Variants in FBN2 observed in about 807,000 individuals in gnomAD.
The protein encoded by FBN2 is fibrillin-2.
In FBN2, 105 loss-of-function variants were observed where a neutral mutation model predicts 355.6. The ratio of observed to expected loss-of-function variants is 0.30; its 90% CI spans 0.25 to 0.35. FBN2 has a LOEUF of 0.35. FBN2 is among the 10% of genes least tolerant of loss of function. The pLI is 1.00. For missense variants in FBN2, 3,280 were observed against 3,758.7 expected, an observed-to-expected ratio of 0.87 and a Z score of 3.33; for synonymous variants, 1,350 against 1,301.2, an observed-to-expected ratio of 1.04 and a Z score of -0.81.
At chr5:128,298,223 C>T (rs1749586664) in intron 48 of FBN2, among the ~76,000 whole-genome samples, 1 of 152,032 alleles carries the variant, frequency 6.6e-6, no homozygotes, top group Admixed American at 6.5e-5. Context: ...GTCTGATGGG[C>T]TTCCCTTTGA....
At chr5:128,527,005 A>T (rs1483176170) in intron 4 of FBN2, among the ~76,000 whole-genome samples, 1 of 152,196 alleles carries the variant, frequency 6.6e-6, no homozygotes, top group Non-Finnish European at 1.5e-5. Context: ...CTATGTTTAA[A>T]AAAGAGACCA....
chr5:128,408,111 CA>C (rs1752979026), intron 8 of FBN2, among the ~76,000 whole-genome samples: 1 of 152,154 alleles, frequency 6.6e-6, no homozygotes, highest in South Asian at 2.1e-4. Context: ...GATTATGCAT[CA>C]AAAGACACTT....
chr5:128,341,012 T>C (rs757806100), intron 25 of FBN2, among the ~76,000 whole-genome samples: 2 of 152,068 alleles, frequency 1.3e-5, no homozygotes, highest in Non-Finnish European at 2.9e-5. Flanking sequence ...AAGCCACAGA[T>C]TGGCTGGACT....
At chr5:128,500,071 A>G (rs895393595) in intron 5 of FBN2, among the ~76,000 whole-genome samples, 12 of 152,118 alleles carry the variant, frequency 7.9e-5, no homozygotes, top group African/African-American at 2.7e-4. Flanking sequence ...AGTATCACAA[A>G]CTATATCATC....
At position 128,536,477 on chromosome 5, in the gene FBN2, C is replaced by T. The variant is rs1220181392; in HGVS notation, c.262G>A (p.Val88Met). Residue 88 changes from valine (V) to methionine (M), a missense_variant, in exon 2 of 65, where the codon GTG becomes ATG. This residue lies in a region of FBN2 where 203 missense variants were observed against 142.2 expected (regional missense o/e 1.43). Coordinates refer to ENST00000262464, the MANE Select transcript of FBN2 (RefSeq NM_001999.4). ...TAGGAGTGGAATCTGGAGCCGCACA[C>T]GTTGGGCCTGTGATGGACAAGCGCG... is the stretch of plus-strand genomic sequence containing the variant. ...GQQDVLRGPN[V>M]CGSRFHSYCC... The T allele has an allele frequency of 6.2e-7, 1 of 1,613,738 alleles. No individual in the cohort carries two copies. Among genetic ancestry groups the T allele is most frequent in the Non-Finnish European group, 8.5e-7 (1 of 1,179,850 alleles).
intron 48 of FBN2, among the ~76,000 whole-genome samples, chr5:128,296,233 G>T (rs1366898662): frequency 2.7e-5 from 4 of 150,762 alleles, no homozygotes; most frequent in Admixed American, 6.6e-5. Flanking sequence ...GCTGGATTTG[G>T]TTTGCCAGTA....
intron 5 of FBN2, among the ~76,000 whole-genome samples, chr5:128,485,956 T>C (rs1018324892): frequency 1.1e-4 from 17 of 152,198 alleles, no homozygotes; most frequent in Admixed American, 5.9e-4. Flanking sequence ...TCTAAACAAC[T>C]GAGTGATCAC....
chr5:128,376,882 C>T (rs1321488964), intron 13 of FBN2, 29 bp from the exon 14 acceptor site: 1 of 1,611,566 alleles, frequency 6.2e-7, no homozygotes, highest in Non-Finnish European at 8.5e-7. Flanking sequence ...TGACTTTGAA[C>T]ACTGGCCTTG....
intron 7 of FBN2, among the ~76,000 whole-genome samples, chr5:128,429,886 T>G (rs1215995907): frequency 1.3e-5 from 2 of 152,182 alleles, no homozygotes; most frequent in South Asian, 2.1e-4. Context: ...ATGGTTTCAC[T>G]AAAGCTAAAT....
chr5:128,307,850 A>C (rs1216596713), intron 41 of FBN2, among the ~76,000 whole-genome samples: 1 of 152,114 alleles, frequency 6.6e-6, no homozygotes, highest in African/African-American at 2.4e-5. Context: ...ACTGCTATAC[A>C]AGTGAGTAAA....
At chr5:128,279,282 A>T (rs903437322) in intron 56 of FBN2, among the ~76,000 whole-genome samples, 1 of 152,172 alleles carries the variant, frequency 6.6e-6, no homozygotes, top group African/African-American at 2.4e-5. Context: ...AGACTGTTCA[A>T]ACACTTGGAC....
chr5:128,267,970 A>G (rs1455229437), intron 62 of FBN2, among the ~76,000 whole-genome samples: 2 of 152,342 alleles, frequency 1.3e-5, no homozygotes, highest in African/African-American at 4.8e-5. Flanking sequence ...CAGTTAAAAG[A>G]GCTAGAGAAG....
intron 6 of FBN2, among the ~76,000 whole-genome samples, chr5:128,460,238 AG>A (rs1754523231): frequency 1.3e-5 from 2 of 152,212 alleles, no homozygotes; most frequent in African/African-American, 4.8e-5. Flanking sequence ...TCAAATCGTG[AG>A]AGAACTCCCA....
In FBN2 at chr5:128,274,621, C is replaced by G. The variant is rs767807555; in HGVS notation, c.7657G>C (p.Gly2553Arg). 6.2e-7 allele frequency: 1 copy of G among 1,613,522 alleles called. No homozygotes were observed. The highest frequency in any genetic ancestry group is 2.2e-5 in the East Asian group (1 of 44,864). Residue 2553 changes from glycine (G) to arginine (R), a missense_variant, in exon 60 of 65, where the codon GGG becomes CGG. This residue lies in a region of FBN2 where 2,284 missense variants were observed against 2,749.5 expected (regional missense o/e 0.83). Transcript: ENST00000262464. ...CQFLCVNTLG[G>R]FTCKCPPGFT... ...CCAGGTGGACATTTACAGGTAAACC[C>G]CCCCAGGGTGTTGACACAGAGGAAC...
chr5:128,305,168 TATTA>T (rs1749833954), intron 44 of FBN2, 86 bp from the exon 45 acceptor site: 1 of 1,168,048 alleles, frequency 8.6e-7, no homozygotes, highest in African/African-American at 1.5e-5. Context: ...TCTAATCTGC[TATTA>T]ATTATTATAG....
intron 7 of FBN2, among the ~76,000 whole-genome samples, chr5:128,419,727 T>C (rs1462270370): frequency 1.3e-5 from 2 of 152,148 alleles, no homozygotes; most frequent in Non-Finnish European, 2.9e-5. Flanking sequence ...AGTTTTGCTC[T>C]TGTTGCCCGG....
intron 11 of FBN2, among the ~76,000 whole-genome samples, chr5:128,390,315 C>T (rs1408191790): frequency 6.6e-6 from 1 of 151,994 alleles, no homozygotes; most frequent in South Asian, 2.1e-4. Flanking sequence ...CCATTGAGAT[C>T]CTTTCAGAGT....
intron 5 of FBN2, among the ~76,000 whole-genome samples, chr5:128,479,972 CTCTCTATATATA>C (rs1415284567): frequency 3.4e-3 from 70 of 20,440 alleles, no homozygotes; most frequent in South Asian, 5.2e-3. Context: ...CTCTCTCTCT[CTCTCTATATATA>C]TATATATATA....
At chr5:128,455,990 C>CAAAAAAAAAAAAAAAAAAAAAAAAAAAAA (rs70997371) in intron 6 of FBN2, among the ~76,000 whole-genome samples, 6 of 25,276 alleles carry the variant, frequency 2.4e-4, no homozygotes, top group East Asian at 2.1e-3. Flanking sequence ...GGGTTAGCAA[C>CAAAAAAAAAAAAAAAAAAAAAAAAAAAAA]AAAAAAAAAA....
Sources: allele counts gnomAD v4.1 joint callset (sites outside exome capture counted in the v4.1 genomes callset), GRCh38; gene constraint gnomAD v4.1.1; regional missense constraint gnomAD v4.1.1; transcripts MANE v1.5; gene names NCBI Gene and HGNC (gene_info 2026-07-23, HGNC 2026-07-21).